The following UTRN variants were observed in gnomAD, a reference collection of about 807,000 sequenced individuals.
UTRN encodes the protein utrophin, also known as dystrophin-related protein 1.
Under a neutral mutation model 463.9 loss-of-function variants are expected in UTRN, and 283 were observed. That is an observed-to-expected ratio of 0.61 (90% CI 0.55 to 0.67). UTRN has a LOEUF of 0.67. UTRN is among the 30% of genes least tolerant of loss of function. The probability of loss-of-function intolerance (pLI) is 0.00; values close to 1 mark genes in which losing one functional copy is unlikely to be tolerated. For missense variants in UTRN, 3,922 were observed against 4,084.3 expected (o/e 0.96, Z 1.08); for synonymous variants, 1,442 against 1,431.5 (o/e 1.01, Z -0.17).
intron 58 of UTRN, among the ~76,000 whole-genome samples, chr6:144,758,934 A>G (rs1347286074): frequency 6.6e-6 from 1 of 152,056 alleles, no homozygotes; most frequent in Non-Finnish European, 1.5e-5. Flanking sequence ...TATCATTTCT[A>G]ACATGGGGTG....
intron 2 of UTRN, among the ~76,000 whole-genome samples, chr6:144,380,691 T>G (rs1780834475): frequency 6.6e-6 from 1 of 152,160 alleles, no homozygotes; most frequent in Non-Finnish European, 1.5e-5. Context: ...GGCTCATGCC[T>G]GTAGTCTGAA....
chr6:144,591,994 C>A (rs1187506695), intron 51 of UTRN, among the ~76,000 whole-genome samples: 1 of 152,084 alleles, frequency 6.6e-6, no homozygotes, highest in Non-Finnish European at 1.5e-5. Context: ...ACCCTGGCAT[C>A]CTGCAGGCTA....
At chr6:144,374,015 A>T (rs1194617383) in intron 2 of UTRN, among the ~76,000 whole-genome samples, 2 of 152,330 alleles carry the variant, frequency 1.3e-5, no homozygotes, top group South Asian at 2.1e-4. Flanking sequence ...TTACTATAAA[A>T]TAAAGTACTT....
intron 46 of UTRN, among the ~76,000 whole-genome samples, chr6:144,546,197 G>A (rs1465518176): frequency 6.6e-6 from 1 of 152,156 alleles, no homozygotes; most frequent in African/African-American, 2.4e-5. Flanking sequence ...TTTAGCATAT[G>A]GGTGCCTTCT....
At chr6:144,787,102 G>T (rs181467020) in intron 61 of UTRN, among the ~76,000 whole-genome samples, 208 of 152,208 alleles carry the variant, frequency 1.4e-3, no homozygotes, top group African/African-American at 4.7e-3. Context: ...TCCCTGTAGG[G>T]ATCACTTTAT....
At chr6:144,454,077 G>T (rs1045723617) in intron 19 of UTRN, among the ~76,000 whole-genome samples, 2 of 152,114 alleles carry the variant, frequency 1.3e-5, no homozygotes, top group Non-Finnish European at 2.9e-5. Context: ...AAGCAAAGTT[G>T]TTCTGATTTT....
intron 53 of UTRN, among the ~76,000 whole-genome samples, chr6:144,715,167 G>T (rs996544484): frequency 1.3e-5 from 2 of 152,034 alleles, no homozygotes; most frequent in African/African-American, 4.8e-5. Context: ...TCCTGAATTG[G>T]CCCCTATAAC....
rs571329742 is a variant in UTRN at position 144,781,112 on chromosome 6, G to A, written c.8633-810G>A. Among the ~76,000 whole-genome samples the A allele has an allele frequency of 9.2e-5, 14 of 152,266 alleles. No individual in the cohort carries two copies. In the South Asian group the frequency reaches 1.9e-3, roughly 20 times the overall value. On this transcript the variant is annotated intron_variant, in intron 60 of 74. Transcript: ENST00000367545. The stretch of plus-strand genomic sequence containing the variant: ...TTCACCTCCTGTGCACACCCTCCTG[G>A]CTCTAGCCCCAGCCATGCCTACCAT...
chr6:144,350,256 T>TA (rs11443344), intron 2 of UTRN, among the ~76,000 whole-genome samples: 11,601 of 142,132 alleles, frequency 0.082, 1,035 homozygotes, highest in African/African-American at 0.22. Flanking sequence ...GACTGTTTTC[T>TA]AAAAAAAAAA....
At chr6:144,717,666 C>T (rs546972252) in intron 53 of UTRN, among the ~76,000 whole-genome samples, 10 of 131,032 alleles carry the variant, frequency 7.6e-5, no homozygotes, top group African/African-American at 1.8e-4. Flanking sequence ...GACAGAGTCT[C>T]GCCCAGTTGC....
intron 27 of UTRN, among the ~76,000 whole-genome samples, chr6:144,483,828 G>C (rs1053563028): frequency 2.6e-5 from 4 of 152,164 alleles, no homozygotes; most frequent in African/African-American, 4.8e-5. Context: ...TTTCTCAAGG[G>C]TTGTACAACA....
chr6:144,758,154 A>ATTAT, intron 58 of UTRN, 165 bp downstream of exon 58: 1 of 542,688 alleles, frequency 1.8e-6, no homozygotes, highest in Middle Eastern at 4.5e-4. Context: ...TAACATGAGA[A>ATTAT]TTATATTTTT....
At chr6:144,800,684 G>A (rs1777625268) in intron 64 of UTRN, among the ~76,000 whole-genome samples, 1 of 152,088 alleles carries the variant, frequency 6.6e-6, no homozygotes, top group African/African-American at 2.4e-5. Flanking sequence ...AAGTATCTAG[G>A]GCAGTTCCTA....
At chr6:144,678,232 G>T (rs1397857429) in intron 51 of UTRN, among the ~76,000 whole-genome samples, 174 bp from the exon 52 acceptor site, 1 of 152,084 alleles carries the variant, frequency 6.6e-6, no homozygotes, top group Non-Finnish European at 1.5e-5. Context: ...CAAAGCTGGA[G>T]GTACTGAAGA....
chr6:144,482,284 A>G lies in UTRN; in HGVS notation c.3583A>G (p.Lys1195Glu). 1 of 1,610,010 alleles carries G rather than the reference A, an allele frequency of 6.2e-7. No individual in the cohort carries two copies. Among genetic ancestry groups the G allele is most frequent in the Non-Finnish European group, 8.5e-7 (1 of 1,178,984 alleles). The change falls in exon 27 of 75, where the codon AAG becomes GAG. Residue 1195 changes from lysine (K) to glutamate (E), a missense_variant. Lys to Glu is a moderately conservative substitution (Grantham distance 56). Around this residue, in one of 3 missense-constraint regions of UTRN, gnomAD observed 2,349 missense variants for 2,303.8 expected, o/e 1.02. Transcript: ENST00000367545. ...LKDNIKLLAA[K>E]VPSGGQELTS... The stretch of plus-strand genomic sequence containing the variant: ...GGACAACATCAAGTTATTAGCTGCC[A>G]AGGTGCCCTCTGGTGGCCAGGAGTT...
intron 18 of UTRN, among the ~76,000 whole-genome samples, chr6:144,452,563 C>T (rs906481105): frequency 6.6e-6 from 1 of 151,956 alleles, no homozygotes; most frequent in African/African-American, 2.4e-5. Flanking sequence ...TTCATTCTTA[C>T]TAGTTCTGGA....
At chr6:144,437,891 C>T (rs1160842507) in intron 11 of UTRN, 145 bp downstream of exon 11, 3 of 753,470 alleles carry the variant, frequency 4.0e-6, no homozygotes, top group African/African-American at 3.6e-5. Context: ...GGTAATATTG[C>T]TGGAATTCTG....
At chr6:144,724,061 A>AT (rs1787544608) in intron 53 of UTRN, among the ~76,000 whole-genome samples, 1 of 150,940 alleles carries the variant, frequency 6.6e-6, no homozygotes, top group African/African-American at 2.4e-5. Flanking sequence ...TTACCTAGAG[A>AT]ATTGTTTTGT....
intron 33 of UTRN, among the ~76,000 whole-genome samples, chr6:144,496,210 T>A (rs1361323034): frequency 6.6e-6 from 1 of 152,202 alleles, no homozygotes; most frequent in Non-Finnish European, 1.5e-5. Flanking sequence ...TTTTGGATCC[T>A]CCTTCAGTTA....
Sources: gnomAD v4.1 joint callset for allele counts (sites outside exome capture counted in the v4.1 genomes callset) on GRCh38, gnomAD v4.1.1 for gene constraint, gnomAD v4.1.1 regional missense constraint, MANE v1.5 for transcripts, NCBI Gene and HGNC (gene_info 2026-07-23, HGNC 2026-07-21) for gene names.